The following PRIM2 variants were observed in gnomAD, a reference collection of about 807,000 sequenced individuals.
PRIM2 encodes the protein DNA primase subunit 2.
Under a neutral mutation model 67.3 loss-of-function variants are expected in PRIM2, and 39 were observed. The observed-to-expected ratio is 0.58, with a 90% confidence interval of 0.45 to 0.76. The LOEUF is 0.76. Among genes scored for constraint, PRIM2 ranks in the 30% least tolerant of loss-of-function variants. The probability of loss-of-function intolerance (pLI) is 0.00; values close to 1 mark genes in which losing one functional copy is unlikely to be tolerated. For missense variants in PRIM2, 398 were observed against 598.7 expected, an observed-to-expected ratio of 0.66 and a Z score of 3.50; for synonymous variants, 143 against 198.7, an observed-to-expected ratio of 0.72 and a Z score of 2.36.
chr6:57,595,122 G>A (rs1288193756), intron 10 of PRIM2, among the ~76,000 whole-genome samples: 1 of 152,170 alleles, frequency 6.6e-6, no homozygotes, highest in Non-Finnish European at 1.5e-5. Context: ...AAATGTTGGG[G>A]AGAATGTGGA....
the PRIM2 span, among the ~76,000 whole-genome samples, chr6:57,250,194 C>T: frequency 3.3e-5 from 5 of 152,296 alleles, no homozygotes; most frequent in East Asian, 9.6e-4. Context: ...TTTGGTTTTA[C>T]AAATATTGCT....
At chr6:57,285,213 C>T in the PRIM2 span, among the ~76,000 whole-genome samples, 1 of 152,174 alleles carries the variant, frequency 6.6e-6, no homozygotes, top group Non-Finnish European at 1.5e-5. Context: ...CAGCTGGTAC[C>T]ATTCCTTCTG....
At chr6:57,428,932 A>G (rs1301761097) in intron 7 of PRIM2, among the ~76,000 whole-genome samples, 1 of 152,104 alleles carries the variant, frequency 6.6e-6, no homozygotes, top group Non-Finnish European at 1.5e-5. Flanking sequence ...AACCTTTACC[A>G]CATGTGTTGA....
chr6:57,308,926 TTTTG>T, the PRIM2 span, among the ~76,000 whole-genome samples: 10 of 150,920 alleles, frequency 6.6e-5, no homozygotes, highest in Admixed American at 2.0e-4. Flanking sequence ...TGTGCAGTTT[TTTTG>T]TTTGTTTATT....
intron 5 of PRIM2, among the ~76,000 whole-genome samples, chr6:57,342,615 G>A (rs1768530643): frequency 1.3e-5 from 2 of 152,172 alleles, no homozygotes; most frequent in Non-Finnish European, 2.9e-5. Context: ...TGGGTCTAAT[G>A]GTAGGATGCT....
chr6:57,579,742 A>T (rs1776045786), intron 10 of PRIM2, among the ~76,000 whole-genome samples: 1 of 152,138 alleles, frequency 6.6e-6, no homozygotes, highest in African/African-American at 2.4e-5. Flanking sequence ...CCAATTGCCC[A>T]TTTGCTGCTT....
chr6:57,498,559 C>T lies in PRIM2; in HGVS notation c.694-8828C>T, dbSNP rs1554346562. ...GGCAATATTAAATGAAAAGAAGGGA[C>T]CTAAATTGTACTGATTACCTGTCTT... On this transcript the variant is annotated intron_variant, in intron 7 of 13. Transcript: ENST00000615550. Among the ~76,000 whole-genome samples the T allele has an allele frequency of 4.8e-4, 73 of 152,152 alleles. No individual in the cohort carries two copies. The East Asian group carries it at 0.01, about 21-fold the overall frequency.
intron 7 of PRIM2, among the ~76,000 whole-genome samples, chr6:57,437,790 G>A (rs1581904139): frequency 1.3e-5 from 2 of 151,142 alleles, no homozygotes; most frequent in Admixed American, 6.6e-5. Context: ...CTAGCCTCTC[G>A]AGTAGCTAGG....
intron 12 of PRIM2, among the ~76,000 whole-genome samples, chr6:57,620,611 C>A (rs1341709811): frequency 6.6e-6 from 1 of 152,124 alleles, no homozygotes; most frequent in Non-Finnish European, 1.5e-5. Flanking sequence ...AACAGAATAT[C>A]TTTAAAGCAT....
At chr6:57,291,234 A>G in the PRIM2 span, among the ~76,000 whole-genome samples, 14 of 152,334 alleles carry the variant, frequency 9.2e-5, no homozygotes, top group East Asian at 2.5e-3. Context: ...CCATGTAAAT[A>G]AACTAGAAAA....
At chr6:57,580,046 T>C (rs1776053177) in intron 10 of PRIM2, among the ~76,000 whole-genome samples, 2 of 152,114 alleles carry the variant, frequency 1.3e-5, no homozygotes, top group Non-Finnish European at 2.9e-5. Context: ...TCTTAACATT[T>C]GTAGGATTAA....
chr6:57,611,138 A>C (rs1776658962), intron 12 of PRIM2, among the ~76,000 whole-genome samples: 1 of 152,240 alleles, frequency 6.6e-6, no homozygotes, highest in Non-Finnish European at 1.5e-5. Context: ...ATACTAACTC[A>C]ATATACAAAA....
chr6:57,511,009 TA>T (rs1348972626), intron 8 of PRIM2, among the ~76,000 whole-genome samples: 1 of 152,094 alleles, frequency 6.6e-6, no homozygotes, highest in African/African-American at 2.4e-5. Flanking sequence ...TTATTGCCTC[TA>T]ATGAGGAAAG....
At chr6:57,243,096 A>G in the PRIM2 span, among the ~76,000 whole-genome samples, 2 of 152,256 alleles carry the variant, frequency 1.3e-5, no homozygotes, top group African/African-American at 4.8e-5. Context: ...TTTGCAATCT[A>G]TAATTCTTCA....
intron 5 of PRIM2, among the ~76,000 whole-genome samples, chr6:57,362,541 A>G (rs1769236384): frequency 6.6e-6 from 1 of 151,936 alleles, no homozygotes; most frequent in Non-Finnish European, 1.5e-5. Context: ...ATCTTTCATG[A>G]CTCAGAATCT....
At chr6:57,492,676 TTTCTC>T (rs1165228594) in intron 7 of PRIM2, among the ~76,000 whole-genome samples, 9 of 152,234 alleles carry the variant, frequency 5.9e-5, no homozygotes, top group African/African-American at 2.2e-4. Flanking sequence ...TTTACATTCT[TTTCTC>T]TATGCTAAGT....
chr6:57,440,589 T>A (rs1772173095), intron 7 of PRIM2, among the ~76,000 whole-genome samples: 1 of 152,252 alleles, frequency 6.6e-6, no homozygotes, highest in South Asian at 2.1e-4. Context: ...CATATATTCC[T>A]CTGTGCCCAT....
At chr6:57,458,416 A>G (rs1170608482) in intron 7 of PRIM2, among the ~76,000 whole-genome samples, 1 of 152,092 alleles carries the variant, frequency 6.6e-6, no homozygotes, top group Non-Finnish European at 1.5e-5. Flanking sequence ...GGGTGTTGTG[A>G]CTCACGCCTG....
intron 10 of PRIM2, among the ~76,000 whole-genome samples, chr6:57,563,386 C>T (rs1258097897): frequency 1.3e-5 from 2 of 151,500 alleles, no homozygotes; most frequent in Non-Finnish European, 2.9e-5. Flanking sequence ...GTAGAGGAAG[C>T]ACTGGTTAGT....
Sources: allele counts gnomAD v4.1 joint callset (sites outside exome capture counted in the v4.1 genomes callset), GRCh38; gene constraint gnomAD v4.1.1; transcripts MANE v1.5; gene names NCBI Gene and HGNC (gene_info 2026-07-23, HGNC 2026-07-21).